Variants in ATG7 observed in about 807,000 individuals in gnomAD.
The protein encoded by ATG7 is autophagy related 7, also known as ubiquitin-like modifier-activating enzyme ATG7.
A neutral mutation model predicts 82.4 loss-of-function variants in ATG7; 70 were observed. The observed-to-expected ratio is 0.85, with a 90% CI of 0.70 to 1.04. The LOEUF is 1.04. Ranked by LOEUF, ATG7 falls within the 50% of genes least tolerant of loss-of-function variation. The probability of loss-of-function intolerance (pLI) is 0.00; values close to 1 mark genes in which losing one functional copy is unlikely to be tolerated. For synonymous variants in ATG7, 287 were observed against 313.0 expected (o/e 0.92, Z 0.88); for missense variants, 792 against 864.3 (o/e 0.92, Z 1.05).
At chr3:11,417,003 G>A (rs2081424598) in intron 19 of ATG7, among the ~76,000 whole-genome samples, 1 of 151,998 alleles carries the variant, frequency 6.6e-6, no homozygotes, top group Non-Finnish European at 1.5e-5. Context: ...TTATCTTTCT[G>A]TTGTGAATTT....
At chr3:11,349,211 A>G (rs574581336) in intron 14 of ATG7, among the ~76,000 whole-genome samples, 31 of 146,106 alleles carry the variant, frequency 2.1e-4, no homozygotes, top group African/African-American at 7.3e-4. Context: ...TGGTGCATTT[A>G]CAATCCTCTA....
intron 14 of ATG7, chr3:11,348,292 T>C: frequency 2.3e-6 from 1 of 435,374 alleles, no homozygotes. Context: ...TCTTGCTGAC[T>C]TCAAGAATGA....
chr3:11,490,916 A>G (rs2090281835), intron 20 of ATG7, among the ~76,000 whole-genome samples: 1 of 151,804 alleles, frequency 6.6e-6, no homozygotes, highest in African/African-American at 2.4e-5. Flanking sequence ...TTTTTCCTTC[A>G]TTTCAACTTT....
intron 18 of ATG7, among the ~76,000 whole-genome samples, chr3:11,377,019 G>T (rs550554626): frequency 1.3e-5 from 2 of 152,166 alleles, no homozygotes; most frequent in Admixed American, 6.5e-5. Flanking sequence ...GATTACAGGC[G>T]TGAGCCACCG....
chr3:11,479,000 ACACACACACACACACACACAC>A (rs2088601504), intron 20 of ATG7, among the ~76,000 whole-genome samples: 2 of 150,344 alleles, frequency 1.3e-5, no homozygotes, highest in African/African-American at 4.9e-5. Flanking sequence ...ACACACACAC[ACACACACACACACACACACAC>A]ACACACACAC....
intron 19 of ATG7, among the ~76,000 whole-genome samples, chr3:11,414,347 T>G (rs2081180747): frequency 6.6e-6 from 1 of 152,216 alleles, no homozygotes; most frequent in African/African-American, 2.4e-5. Flanking sequence ...ATTACAGGCA[T>G]GAGCCACCGT....
intron 20 of ATG7, among the ~76,000 whole-genome samples, chr3:11,537,362 T>TA (rs1285803025): frequency 2.6e-5 from 4 of 152,188 alleles, no homozygotes; most frequent in Non-Finnish European, 5.9e-5. Context: ...GGTTTTGTGT[T>TA]AGTCTCTTGT....
chr3:11,534,766 G>A (rs148645551), intron 20 of ATG7, among the ~76,000 whole-genome samples: 150 of 152,338 alleles, frequency 9.8e-4, no homozygotes, highest in African/African-American at 3.5e-3. Flanking sequence ...CACCTGGGGG[G>A]AGTCACTGTC....
chr3:11,370,812 G>A (rs920436096), intron 18 of ATG7, among the ~76,000 whole-genome samples: 1 of 151,076 alleles, frequency 6.6e-6, no homozygotes, highest in Non-Finnish European at 1.5e-5. Context: ...CCACCTGATA[G>A]GTGTTAAGCC....
chr3:11,519,544 T>TG (rs1559791260), intron 20 of ATG7, among the ~76,000 whole-genome samples: 27 of 57,360 alleles, frequency 4.7e-4, no homozygotes, highest in Middle Eastern at 7.8e-3. Flanking sequence ...GAGGAGTTTT[T>TG]TTTTTTTTTT....
At chr3:11,545,576 G>T (rs2125042437) in intron 20 of ATG7, among the ~76,000 whole-genome samples, 1 of 152,146 alleles carries the variant, frequency 6.6e-6, no homozygotes, top group South Asian at 2.1e-4. Flanking sequence ...GGACTTCACG[G>T]ACCAAGCCCT....
At chr3:11,540,954 C>T (rs79336807) in intron 20 of ATG7, among the ~76,000 whole-genome samples, 21 of 145,846 alleles carry the variant, frequency 1.4e-4, no homozygotes, top group Non-Finnish European at 2.3e-4. Context: ...GGCTGGAGTG[C>T]AGTGGTGCAA....
chr3:11,450,665 C>T (rs938781297), intron 20 of ATG7, among the ~76,000 whole-genome samples: 1 of 152,198 alleles, frequency 6.6e-6, no homozygotes, highest in African/African-American at 2.4e-5. Flanking sequence ...GACCATCTTG[C>T]CAATTTCCAG....
chr3:11,288,627 C>T (rs1054753005), intron 3 of ATG7: 2 of 152,174 alleles, frequency 1.3e-5, no homozygotes, highest in African/African-American at 4.8e-5. Flanking sequence ...CCCCACACTC[C>T]TCTCTCCTCA....
chr3:11,296,317 T>C (rs1945906547), intron 3 of ATG7, among the ~76,000 whole-genome samples: 1 of 152,206 alleles, frequency 6.6e-6, no homozygotes, highest in African/African-American at 2.4e-5. Context: ...TCTCTTTCAC[T>C]CAAGCTGCCA....
At chr3:11,358,842 A>G (rs1393088039) in intron 15 of ATG7, among the ~76,000 whole-genome samples, 3 of 152,220 alleles carry the variant, frequency 2.0e-5, no homozygotes, top group Non-Finnish European at 4.4e-5. Flanking sequence ...GATACTCTAC[A>G]CTGAAAGATA....
At chr3:11,467,430 G>A (rs1251182151) in intron 20 of ATG7, among the ~76,000 whole-genome samples, 4 of 152,198 alleles carry the variant, frequency 2.6e-5, no homozygotes, top group Non-Finnish European at 5.9e-5. Flanking sequence ...AGGCTGCAGT[G>A]CAATGGTGCG....
At chr3:11,567,306 AC>A in the ATG7 span, among the ~76,000 whole-genome samples, 1 of 151,766 alleles carries the variant, frequency 6.6e-6, no homozygotes, top group South Asian at 2.1e-4. Context: ...CGCCAAGAGA[AC>A]CCTGTCAGCC....
At chr3:11,381,845 G>T (rs990117245) in intron 19 of ATG7, among the ~76,000 whole-genome samples, 1 of 152,178 alleles carries the variant, frequency 6.6e-6, no homozygotes, top group Non-Finnish European at 1.5e-5. Flanking sequence ...CAGTAGAAAC[G>T]CAGCATTTAC....
Sources: gnomAD v4.1 joint callset for allele counts (sites outside exome capture counted in the v4.1 genomes callset) on GRCh38, gnomAD v4.1.1 for gene constraint, MANE v1.5 for transcripts, NCBI Gene and HGNC (gene_info 2026-07-23, HGNC 2026-07-21) for gene names.